Variants in GABRA4 observed in about 807,000 individuals in gnomAD.
GABRA4 encodes the protein gamma-aminobutyric acid type A receptor subunit alpha4.
GABRA4 carries 12 observed loss-of-function variants against 49.7 expected under a neutral mutation model. The ratio of observed to expected loss-of-function variants is 0.24; its 90% CI spans 0.15 to 0.39. The LOEUF (loss-of-function observed/expected upper bound fraction) is 0.39. Among genes scored for constraint, GABRA4 ranks in the 10% least tolerant of loss-of-function variants. The pLI is 1.00. For synonymous variants in GABRA4, 288 were observed against 240.2 expected (o/e 1.20, Z -1.84); for missense variants, 506 against 686.0 (o/e 0.74, Z 2.93).
At chr4:46,972,798 G>A (rs1722995889) in intron 6 of GABRA4, among the ~76,000 whole-genome samples, 2 of 151,320 alleles carry the variant, frequency 1.3e-5, no homozygotes, top group Admixed American at 1.3e-4. Flanking sequence ...TCCTCTCACT[G>A]CCTTTCAGTT....
At chr4:46,930,506 A>G (rs1721389891) in intron 8 of GABRA4, among the ~76,000 whole-genome samples, 1 of 152,082 alleles carries the variant, frequency 6.6e-6, no homozygotes, top group African/African-American at 2.4e-5. Context: ...ACATACACAC[A>G]TGATACAATA....
intron 8 of GABRA4, among the ~76,000 whole-genome samples, chr4:46,964,223 T>G (rs547334508): frequency 2.6e-5 from 4 of 151,832 alleles, no homozygotes; most frequent in African/African-American, 9.6e-5. Flanking sequence ...ACAATTGAAC[T>G]CATGAACATA....
intron 8 of GABRA4, among the ~76,000 whole-genome samples, chr4:46,960,540 A>G (rs1019894915): frequency 6.6e-6 from 1 of 151,728 alleles, no homozygotes; most frequent in African/African-American, 2.4e-5. Flanking sequence ...TGTATAGGTA[A>G]TACTTCTGAA....
rs192100139 is a variant in GABRA4 at position 46,928,803 on chromosome 4, A to C, written c.1135-48T>G. On this transcript the variant is annotated intron_variant, in intron 8 of 8. Coordinates refer to ENST00000264318, the MANE Select transcript of GABRA4 (RefSeq NM_000809.4). ...ATATTGGTTATGTAACTTTATGCAG[A>C]TTTGTACAAAATTTAAAGGGATCAA... 13 of 1,309,708 alleles carry C rather than the reference A, an allele frequency of 9.9e-6. No homozygotes were observed. In the African/African-American group the frequency reaches 1.8e-4, roughly 18 times the overall value. The allele number at this position is 1,309,708 out of a possible 1,614,324, so 81.1% of individuals were successfully genotyped here.
At chr4:46,973,004 T>C (rs1453371606) in intron 6 of GABRA4, among the ~76,000 whole-genome samples, 2 of 151,770 alleles carry the variant, frequency 1.3e-5, no homozygotes, top group Admixed American at 1.3e-4. Context: ...TCATAACACT[T>C]AGATGTGAAT....
At chr4:46,983,820 A>G (rs975756238) in intron 2 of GABRA4, among the ~76,000 whole-genome samples, 1 of 152,116 alleles carries the variant, frequency 6.6e-6, no homozygotes, top group Non-Finnish European at 1.5e-5. Flanking sequence ...TTTGTGCAAC[A>G]TTAAAGACAT....
intron 8 of GABRA4, among the ~76,000 whole-genome samples, chr4:46,957,123 T>A (rs972236522): frequency 6.6e-5 from 10 of 152,134 alleles, no homozygotes; most frequent in Non-Finnish European, 8.8e-5. Flanking sequence ...TGGAATGACA[T>A]AACTTAATCC....
intron 8 of GABRA4, among the ~76,000 whole-genome samples, chr4:46,929,475 T>C (rs981163184): frequency 1.3e-5 from 2 of 152,114 alleles, no homozygotes; most frequent in Non-Finnish European, 1.5e-5. Context: ...ATTCAAACCA[T>C]TAACCAATAA....
At chr4:46,973,017 G>A (rs909964512) in intron 6 of GABRA4, among the ~76,000 whole-genome samples, 2 of 151,636 alleles carry the variant, frequency 1.3e-5, no homozygotes, top group Admixed American at 1.3e-4. Context: ...ATGTGAATTT[G>A]GGTTTTGCCA....
rs191347940 is a variant in GABRA4 at position 46,953,282 on chromosome 4, C to G, written c.1134+11688G>C. Among the ~76,000 whole-genome samples, 6 of 152,170 alleles carry G rather than the reference C, an allele frequency of 3.9e-5. No individual in the cohort carries two copies. In the East Asian group the frequency reaches 9.7e-4, roughly 25 times the overall value. ...CCAGCATCCCTCACCCCCTAAAGCT[C>G]AGCATGCTTCTTTGTAGTGTCCCTT... On this transcript the variant is annotated intron_variant, in intron 8 of 8. Transcript: ENST00000264318.
chr4:46,983,976 T>C (rs1402045177), intron 2 of GABRA4, among the ~76,000 whole-genome samples: 2 of 152,088 alleles, frequency 1.3e-5, no homozygotes, highest in African/African-American at 4.8e-5. Context: ...CAGGGAAATA[T>C]TCCCATCTAA....
chr4:46,957,043 C>G (rs1397131261), intron 8 of GABRA4, among the ~76,000 whole-genome samples: 1 of 151,764 alleles, frequency 6.6e-6, no homozygotes, highest in Non-Finnish European at 1.5e-5. Flanking sequence ...ATTTAAGATG[C>G]CTAAAGAAAT....
chr4:46,984,622 A>G (rs528124071), intron 2 of GABRA4, among the ~76,000 whole-genome samples: 1 of 152,098 alleles, frequency 6.6e-6, no homozygotes, highest in Non-Finnish European at 1.5e-5. Flanking sequence ...AAATATGGGC[A>G]AACAATAAAA....
intron 8 of GABRA4, among the ~76,000 whole-genome samples, chr4:46,938,293 T>A (rs1347695199): frequency 6.6e-6 from 1 of 152,108 alleles, no homozygotes. Flanking sequence ...AGACTTGATA[T>A]GAGTTGATCA....
At chr4:46,991,687 T>C (rs552929319) in intron 2 of GABRA4, among the ~76,000 whole-genome samples, 2 of 112,906 alleles carry the variant, frequency 1.8e-5, no homozygotes, top group Admixed American at 8.7e-5. Context: ...TGGGTTTACA[T>C]CCTTCTCCTC....
chr4:46,955,740 A>G (rs1163720588), intron 8 of GABRA4, among the ~76,000 whole-genome samples: 2 of 152,108 alleles, frequency 1.3e-5, no homozygotes, highest in African/African-American at 4.8e-5. Context: ...ATTTCAGGAG[A>G]CAGGTTTAAG....
Position 46,993,404 on chromosome 4 carries a change from T to G in GABRA4, c.21A>C (p.Val7=), listed in dbSNP as rs1228512623. MVSAKK[V]PAIALSAGVS... ...CCCCGGCGGACAGAGCGATCGCGGG[T>G]ACCTTCTTGGCAGAAACCATCTTTG... Residue 7 remains valine (V), a synonymous_variant, in exon 1 of 9, where the codon GTA becomes GTC. Transcript: ENST00000264318. 6.2e-7 allele frequency: 1 copy of G among 1,614,172 alleles called. No homozygotes were observed. The highest frequency in any genetic ancestry group is 8.5e-7 in the Non-Finnish European group (1 of 1,180,016).
Position 46,921,748 on chromosome 4 carries a change from T to C in GABRA4, c.*6477A>G, listed in dbSNP as rs948031055. On this transcript the variant is annotated 3_prime_UTR_variant, in exon 9 of 9. Coordinates refer to ENST00000264318, the MANE Select transcript of GABRA4 (RefSeq NM_000809.4). The stretch of plus-strand genomic sequence containing the variant: ...TGAAATAAAAATATTTATAATTCAC[T>C]CCCCACCTAAGACAGTCTCCAAAAA... 3 of 151,736 alleles carry C rather than the reference T, an allele frequency of 2.0e-5. No homozygotes were observed. Among genetic ancestry groups the C allele is most frequent in the Non-Finnish European group, 4.4e-5 (3 of 67,928 alleles). The allele number at this position is 151,736 out of a possible 1,614,324, so 9.4% of individuals were successfully genotyped here.
intron 8 of GABRA4, among the ~76,000 whole-genome samples, chr4:46,933,022 C>A (rs1031769907): frequency 6.6e-6 from 1 of 151,702 alleles, no homozygotes; most frequent in African/African-American, 2.4e-5. Context: ...AGAGTCTAAG[C>A]AAAAATAAAA....
Sources: gnomAD v4.1 joint callset for allele counts (sites outside exome capture counted in the v4.1 genomes callset) on GRCh38, gnomAD v4.1.1 for gene constraint, MANE v1.5 for transcripts, NCBI Gene and HGNC (gene_info 2026-07-23, HGNC 2026-07-21) for gene names.